Variants in TSC1 observed in about 807,000 individuals in gnomAD.
The protein encoded by TSC1 is hamartin.
TSC1 carries 20 observed loss-of-function variants against 124.3 expected under a neutral mutation model. That is an observed-to-expected ratio of 0.16 (90% CI 0.11 to 0.23). The LOEUF (loss-of-function observed/expected upper bound fraction) is 0.23, where lower values mean the gene tolerates loss of function less well. TSC1 is among the 10% of genes least tolerant of loss of function. The probability of loss-of-function intolerance (pLI) is 1.00; values close to 1 mark genes in which losing one functional copy is unlikely to be tolerated. For synonymous variants in TSC1, 493 were observed against 539.1 expected (o/e 0.91, Z 1.19); for missense variants, 1,124 against 1,448.5 (o/e 0.78, Z 3.64).
chr9:132,921,302 C>T lies in TSC1; in HGVS notation c.737+61G>A, dbSNP rs1846537524. On this transcript the variant is annotated intron_variant, in intron 8 of 22. Transcript: ENST00000298552. The surrounding 1 kb of genome is among the most constrained non-coding windows in gnomAD (Gnocchi z 4.3). ...AAATATACCTCAACAGGGATTACCT[C>T]CTAGATCACATTTTCAATCTCTCGA... The T allele has an allele frequency of 6.4e-7, 1 of 1,554,858 alleles. No individual in the cohort carries two copies.
chr9:132,911,595 G>T, intron 9 of TSC1, 27 bp from the exon 10 acceptor site: 1 of 1,081,382 alleles, frequency 9.2e-7, no homozygotes, highest in Non-Finnish European at 1.4e-6. Context: ...GAACACAGGG[G>T]GTTAGTGTGT....
chr9:132,906,963 G>T lies in TSC1; in HGVS notation c.1334-128C>A. Reference sequence around the variant, plus strand: ...TGCTGAACAGAGAAGGCTGGACATGGCTCTGTCCTGGGGATACTACAAAAG... The same window carrying T: ...TGCTGAACAGAGAAGGCTGGACATGTCTCTGTCCTGGGGATACTACAAAAG... On this transcript the variant is annotated intron_variant, in intron 13 of 22. Coordinates refer to ENST00000298552, the MANE Select transcript of TSC1 (RefSeq NM_000368.5). The surrounding 1 kb of genome is among the most constrained non-coding windows in gnomAD (Gnocchi z 4.1). 1 of 791,112 alleles carries T rather than the reference G, an allele frequency of 1.3e-6. No individual in the cohort carries two copies. Among genetic ancestry groups the T allele is most frequent in the Non-Finnish European group, 2.2e-6 (1 of 464,186 alleles). The allele number at this position is 791,112 out of a possible 1,614,324, so 49.0% of individuals were successfully genotyped here.
intron 8 of TSC1, chr9:132,913,006 C>T (rs4962082): frequency 0.09 from 13,991 of 155,992 alleles, 705 homozygotes; most frequent in Admixed American, 0.13. Context: ...GTGGCATGAT[C>T]GTGGCTCACT....
At chr9:132,939,188 T>C (rs997410387) in intron 1 of TSC1, 3 of 152,254 alleles carry the variant, frequency 2.0e-5, no homozygotes, top group African/African-American at 7.2e-5. Flanking sequence ...CTTAGGGTAA[T>C]ATTCTATCAA....
Position 132,906,174 on chromosome 9 carries a change from T to C in TSC1, c.1439-35A>G. 1 of 1,600,800 alleles carries C rather than the reference T, an allele frequency of 6.2e-7. No homozygotes were observed. Among genetic ancestry groups the C allele is most frequent in the Non-Finnish European group, 8.5e-7 (1 of 1,174,154 alleles). ...AGAGAGGAAACAAAAGAAATGGCAG[T>C]CGGTATTCCACCTGGGAAAGACTAG... On this transcript the variant is annotated intron_variant, in intron 14 of 22. Transcript: ENST00000298552. The surrounding 1 kb of genome is among the most constrained non-coding windows in gnomAD (Gnocchi z 4.1).
rs765643529 is a variant in TSC1, at chr9:132,902,742, C to T, written c.2254G>A (p.Val752Ile). The change falls in exon 18 of 23, where the codon GTT (valine) becomes ATT (isoleucine). Residue 752 changes from valine to isoleucine, a missense_variant. Around this residue, in one of 5 missense-constraint regions of TSC1, gnomAD observed 321 missense variants for 397.4 expected, o/e 0.81. Coordinates refer to ENST00000298552, the MANE Select transcript of TSC1 (RefSeq NM_000368.5). This position sits in a 1 kb window ranked among gnomAD's most constrained non-coding sequence, Gnocchi z 5.2. ...CTAGCTTGTTCTTTCTGCAGACTAA[C>T]CTTCCACATCTGGATGTCCTTCTCT... ...LQEKDIQMWK[V>I]SLQKEQARYN... is the part of the protein sequence containing the mutation. 1.2e-6 allele frequency: 2 copies of T among 1,614,080 alleles called. No individual in the cohort carries two copies. Among genetic ancestry groups the T allele is most frequent in the South Asian group, 2.2e-5 (2 of 91,072 alleles).
chr9:132,905,470 G>A lies in TSC1; in HGVS notation c.1997+111C>T. ...ACATCTGACAAACAGCAGAGAACCA[G>A]CTGCCTCAAGGTGGGAGTGTGAAGA... On this transcript the variant is annotated intron_variant, in intron 15 of 22. Coordinates refer to ENST00000298552, the MANE Select transcript of TSC1 (RefSeq NM_000368.5). 3.4e-6 allele frequency: 5 copies of A among 1,476,724 alleles called. 1 individual carries two copies. The South Asian group carries it at 4.7e-5, about 14-fold the overall frequency. The allele number at this position is 1,476,724 out of a possible 1,614,324, so 91.5% of individuals were successfully genotyped here.
chr9:132,927,516 A>G (rs935799408), intron 3 of TSC1, among the ~76,000 whole-genome samples: 1 of 115,466 alleles, frequency 8.7e-6, no homozygotes, highest in Non-Finnish European at 1.8e-5. Context: ...AGTCATTTTT[A>G]TTGCCTTTTT....
intron 11 of TSC1, 75 bp from the exon 12 acceptor site, chr9:132,910,767 ATAAC>A: frequency 1.3e-6 from 2 of 1,596,164 alleles, no homozygotes; most frequent in African/African-American, 1.3e-5. Flanking sequence ...TTTTCAGCCT[ATAAC>A]TATTACTATA....
rs118203496 is a variant in TSC1 at position 132,911,038 on chromosome 9, G to A, written c.1105C>T (p.Leu369=). 1 of 1,614,196 alleles carries A rather than the reference G, an allele frequency of 6.2e-7. No homozygotes were observed. Among genetic ancestry groups the A allele is most frequent in the South Asian group, 1.1e-5 (1 of 91,080 alleles). The part of the protein sequence containing the change: ...PTSPGNVPPD[L]SHPYSKVFGT... ...AAGACTTTACTGTAAGGGTGTGACA[G>A]ATCAGGTGGGACATTTCCAGGAGAA... Residue 369 remains leucine (L), a synonymous_variant, in exon 11 of 23, where the codon CTG becomes TTG. Transcript: ENST00000298552.
chr9:132,941,579 A>G (rs1271845335), intron 1 of TSC1: 1 of 152,224 alleles, frequency 6.6e-6, no homozygotes, highest in Non-Finnish European at 1.5e-5. Flanking sequence ...TAACGCTATT[A>G]AGTACACTTT....
chr9:132,925,474 A>G (rs1456483171), intron 5 of TSC1, 113 bp downstream of exon 5: 1 of 1,346,418 alleles, frequency 7.4e-7, no homozygotes, highest in Non-Finnish European at 1.0e-6. Context: ...CCAAATGCCT[A>G]GAAGGTTTTA....
In TSC1 at chr9:132,906,696, G is replaced by A. The variant is rs369514624; in HGVS notation, c.1438+35C>T. 3.2e-6 allele frequency: 5 copies of A among 1,566,056 alleles called. No individual in the cohort carries two copies. The highest frequency in any genetic ancestry group is 1.4e-5 in the African/African-American group (1 of 73,776). ...AGATTTATAGCAGAGCGAGGGTCAGGTTTTATCAACTCATAGCAATCCCAC... is the reference window on the plus strand; with the variant it reads ...AGATTTATAGCAGAGCGAGGGTCAGATTTTATCAACTCATAGCAATCCCAC... On this transcript the variant is annotated intron_variant, in intron 14 of 22. Coordinates refer to ENST00000298552, the MANE Select transcript of TSC1 (RefSeq NM_000368.5). The surrounding 1 kb of genome is among the most constrained non-coding windows in gnomAD (Gnocchi z 4.1).
chr9:132,910,858 A>G (rs1026041716), intron 11 of TSC1, 144 bp downstream of exon 11: 2 of 1,308,628 alleles, frequency 1.5e-6, no homozygotes, highest in African/African-American at 1.5e-5. Context: ...CACTTTACAC[A>G]TTCTGAAAGC....
chr9:132,944,477 G>A (rs1410787631), intron 1 of TSC1, 66 bp downstream of exon 1: 3 of 397,962 alleles, frequency 7.5e-6, no homozygotes, highest in Non-Finnish European at 1.3e-5. Context: ...CCCGGCTGGA[G>A]TCATGGTGCC....
intron 2 of TSC1, among the ~76,000 whole-genome samples, chr9:132,933,522 G>GAT (rs2132366445): frequency 1.3e-5 from 2 of 152,274 alleles, no homozygotes; most frequent in African/African-American, 4.8e-5. Context: ...GGATCTTTGA[G>GAT]GCTTGCCAAG....
At position 132,921,823 on chromosome 9, in the gene TSC1, A is replaced by G. The variant is rs2132149285; in HGVS notation, c.659T>C (p.Val220Ala). ...AAACAAGCAGTTTCAATTTACCTTG[A>G]CCACTTCTTCAAAAGTCTCCAGGTT... Reference protein sequence around the residue: ...KENLETFEEVVKPMMEHVRIH... With the variant: ...KENLETFEEVAKPMMEHVRIH... Residue 220 changes from valine (V) to alanine (A), a missense_variant, in exon 7 of 23, where the codon GTC (valine) becomes GCC (alanine). Physicochemically the swap from Val to Ala is moderately conservative, Grantham distance 64. This residue lies in a region of TSC1 where 463 missense variants were observed against 606.8 expected (regional missense o/e 0.76). Coordinates refer to ENST00000298552, the MANE Select transcript of TSC1 (RefSeq NM_000368.5). This position sits in a 1 kb window ranked among gnomAD's most constrained non-coding sequence, Gnocchi z 4.3. 2 of 1,614,182 alleles carry G rather than the reference A, an allele frequency of 1.2e-6. No individual in the cohort carries two copies. Among genetic ancestry groups the G allele is most frequent in the Non-Finnish European group, 1.7e-6 (2 of 1,180,010 alleles).
chr9:132,934,214 T>C (rs1408593989), intron 2 of TSC1, among the ~76,000 whole-genome samples: 2 of 152,198 alleles, frequency 1.3e-5, no homozygotes, highest in Non-Finnish European at 2.9e-5. Context: ...CCGTCTTCCC[T>C]ACACCCTTCC....
At chr9:132,926,003 T>C in intron 4 of TSC1, 1 of 484,896 alleles carries the variant, frequency 2.1e-6, no homozygotes, top group Non-Finnish European at 3.8e-6. Flanking sequence ...GGAGACTTGT[T>C]CACAGCCCCT....
Sources: gnomAD v4.1 joint callset for allele counts (sites outside exome capture counted in the v4.1 genomes callset) on GRCh38, gnomAD v4.1.1 for gene constraint, gnomAD v4.1.1 regional missense constraint, Gnocchi (gnomAD v3.1) non-coding constraint, MANE v1.5 for transcripts, NCBI Gene and HGNC (gene_info 2026-07-23, HGNC 2026-07-21) for gene names.